NFIA: variants seen among roughly 807,000 people sequenced by gnomAD.
NFIA encodes nuclear factor 1 A-type.
Under a neutral mutation model 62.8 loss-of-function variants are expected in NFIA, and 8 were observed. The observed-to-expected ratio is 0.13, with a 90% CI of 0.07 to 0.23. NFIA has a LOEUF of 0.23. Ranked by LOEUF, NFIA falls within the 10% of genes least tolerant of loss-of-function variation. NFIA has a pLI of 1.00. For synonymous variants in NFIA, 235 were observed against 238.1 expected (o/e 0.99, Z 0.12); for missense variants, 410 against 642.1 (o/e 0.64, Z 3.91).
At chr1:61,445,655 A>G (rs926669771) in intron 10 of NFIA, among the ~76,000 whole-genome samples, 2 of 152,202 alleles carry the variant, frequency 1.3e-5, no homozygotes, top group African/African-American at 4.8e-5. Flanking sequence ...ACACAGAGCT[A>G]TGACCGCGCA....
chr1:61,399,283 G>T (rs375264310), intron 7 of NFIA, among the ~76,000 whole-genome samples: 1 of 152,326 alleles, frequency 6.6e-6, no homozygotes, highest in South Asian at 2.1e-4. Context: ...ATTCGCTCTT[G>T]TGAGGGAAGA....
At chr1:61,451,092 G>C (rs1017007875) in intron 10 of NFIA, among the ~76,000 whole-genome samples, 1 of 152,154 alleles carries the variant, frequency 6.6e-6, no homozygotes, top group Non-Finnish European at 1.5e-5. Flanking sequence ...GTACGAAATG[G>C]AAGAGATTGG....
At chr1:61,362,650 G>C (rs1007756178) in intron 6 of NFIA, among the ~76,000 whole-genome samples, 2 of 152,128 alleles carry the variant, frequency 1.3e-5, no homozygotes, top group African/African-American at 4.8e-5. Flanking sequence ...AGCACTTTTA[G>C]TGCACAGCTC....
At position 61,082,826 on chromosome 1, in the gene NFIA, G is replaced by A. The variant is rs757382286; in HGVS notation, c.27+8G>A. On this transcript the variant is annotated splice_region_variant and intron_variant, in intron 1 of 10. Transcript: ENST00000403491. ...CCGCTCTGTCTCACCCAGGTAAGCC[G>A]CGGCGTGGATGCGGAGGGCTTGGGG... 3 of 1,549,694 alleles carry A rather than the reference G, an allele frequency of 1.9e-6. No individual in the cohort carries two copies. The highest frequency in any genetic ancestry group is 2.4e-5 in the South Asian group (2 of 83,938).
intron 2 of NFIA, among the ~76,000 whole-genome samples, chr1:61,200,124 C>T (rs1249845925): frequency 7.1e-6 from 1 of 141,306 alleles, no homozygotes; most frequent in Non-Finnish European, 1.5e-5. Context: ...TCACCATTTG[C>T]AGTGATGACA....
Position 61,296,145 on chromosome 1 carries a change from T to C in NFIA, c.625+18560T>C, listed in dbSNP as rs79485714. 5.0e-3 allele frequency among the ~76,000 whole-genome samples: 761 copies of C among 152,310 alleles called. 5 individuals are homozygous for C. The highest frequency in any genetic ancestry group is 0.017 in the African/African-American group (718 of 41,570). ...GATTTTCAAACATAATCTTTAAAAG[T>C]ATAAGCATCCAAAATTACCTCAAAG... On this transcript the variant is annotated intron_variant, in intron 3 of 10. Coordinates refer to ENST00000403491, the MANE Select transcript of NFIA (RefSeq NM_001134673.4).
intron 2 of NFIA, among the ~76,000 whole-genome samples, chr1:61,203,338 G>A (rs1237500341): frequency 1.3e-5 from 2 of 152,148 alleles, no homozygotes; most frequent in East Asian, 3.9e-4. Context: ...ATAAAAGTGA[G>A]CGCTTCAAGT....
chr1:61,362,131 CTT>C (rs1294845185), intron 6 of NFIA, among the ~76,000 whole-genome samples: 2 of 152,094 alleles, frequency 1.3e-5, no homozygotes, highest in East Asian at 3.9e-4. Context: ...CCAGATGGTC[CTT>C]TTTGGGGATT....
chr1:61,300,989 TAA>T, intron 3 of NFIA, among the ~76,000 whole-genome samples: 1 of 152,162 alleles, frequency 6.6e-6, no homozygotes, highest in Admixed American at 6.5e-5. Context: ...CATTGAGATA[TAA>T]GTTTGATTCT....
chr1:61,113,205 A>G (rs1257797600), intron 2 of NFIA, among the ~76,000 whole-genome samples: 1 of 151,934 alleles, frequency 6.6e-6, no homozygotes, highest in Non-Finnish European at 1.5e-5. Context: ...CAGTTGTACT[A>G]GGTTTGGTGA....
chr1:61,178,303 G>T (rs1348489332), intron 2 of NFIA, among the ~76,000 whole-genome samples: 1 of 152,162 alleles, frequency 6.6e-6, no homozygotes, highest in Non-Finnish European at 1.5e-5. Context: ...AGGGGAAAAA[G>T]TTTGTTACCT....
At chr1:61,329,049 C>CTTTTTTT in intron 3 of NFIA, among the ~76,000 whole-genome samples, 1 of 122,456 alleles carries the variant, frequency 8.2e-6, no homozygotes, top group East Asian at 2.4e-4. Flanking sequence ...TTCTTTTTTT[C>CTTTTTTT]TTTTTTTTTT....
intron 9 of NFIA, among the ~76,000 whole-genome samples, chr1:61,422,271 A>G (rs755683228): frequency 1.3e-5 from 2 of 152,210 alleles, no homozygotes; most frequent in Non-Finnish European, 2.9e-5. Context: ...TCAAAAAAAT[A>G]AAGAAACCTC....
At chr1:61,449,745 C>T (rs906257350) in intron 10 of NFIA, among the ~76,000 whole-genome samples, 3 of 152,156 alleles carry the variant, frequency 2.0e-5, no homozygotes, top group South Asian at 2.1e-4. Context: ...AGTCTTGGTT[C>T]GGAGTTACTG....
intron 2 of NFIA, among the ~76,000 whole-genome samples, chr1:61,135,200 A>T (rs1192141975): frequency 6.6e-6 from 1 of 152,216 alleles, no homozygotes; most frequent in Non-Finnish European, 1.5e-5. Flanking sequence ...AATCAACTTT[A>T]ATAACATGGA....
At chr1:61,443,199 G>T (rs1390214834) in intron 10 of NFIA, among the ~76,000 whole-genome samples, 1 of 152,174 alleles carries the variant, frequency 6.6e-6, no homozygotes, top group Non-Finnish European at 1.5e-5. Context: ...TCTAGCACAT[G>T]AAGATGAGGT....
At chr1:61,201,078 G>T (rs1652450728) in intron 2 of NFIA, among the ~76,000 whole-genome samples, 1 of 152,158 alleles carries the variant, frequency 6.6e-6, no homozygotes, top group Non-Finnish European at 1.5e-5. Context: ...ATTCTGATGG[G>T]AATCTGCAAT....
chr1:61,403,466 G>A (rs1665668116), intron 7 of NFIA, among the ~76,000 whole-genome samples: 1 of 152,204 alleles, frequency 6.6e-6, no homozygotes, highest in Admixed American at 6.5e-5. Context: ...GTCACTGCCT[G>A]CTTACCCTGT....
chr1:61,364,031 C>G (rs1424557383), intron 6 of NFIA, among the ~76,000 whole-genome samples: 1 of 151,860 alleles, frequency 6.6e-6, no homozygotes, highest in Admixed American at 6.6e-5. Flanking sequence ...ACTGCAACCT[C>G]CACCTCCGGG....
Sources: allele counts gnomAD v4.1 joint callset (sites outside exome capture counted in the v4.1 genomes callset), GRCh38; gene constraint gnomAD v4.1.1; transcripts MANE v1.5; gene names NCBI Gene and HGNC (gene_info 2026-07-23, HGNC 2026-07-21).